Variants in FJX1 observed in about 807,000 individuals in gnomAD.
FJX1 encodes four-jointed box kinase 1.
FJX1 carries 21 observed loss-of-function variants against 28.7 expected under a neutral mutation model. The ratio of observed to expected loss-of-function variants is 0.73; its 90% CI spans 0.52 to 1.05. The LOEUF (loss-of-function observed/expected upper bound fraction) is 1.05, where lower values mean the gene tolerates loss of function less well. Among genes scored for constraint, FJX1 ranks in the 50% least tolerant of loss-of-function variants. FJX1 has a pLI of 0.00. For missense variants in FJX1, 683 were observed against 647.2 expected, an observed-to-expected ratio of 1.06 and a Z score of -0.60; for synonymous variants, 363 against 310.0, an observed-to-expected ratio of 1.17 and a Z score of -1.80.
rs750476220 is a variant in FJX1, at chr11:35,619,467, C to T, written c.831C>T (p.Asn277=). The change falls in exon 1 of 1, where the codon AAC becomes AAT. Residue 277 remains asparagine, a synonymous_variant. Coordinates refer to ENST00000317811, the MANE Select transcript of FJX1 (RefSeq NM_014344.4). This position sits in a 1 kb window ranked among gnomAD's most constrained non-coding sequence, Gnocchi z 7.6. The stretch of plus-strand genomic sequence containing the variant: ...GGGATGCCGGGGGTGAGCTGGCCAA[C>T]CTCAGCCAGGCGGAGCTGGTGGACC... The part of the protein sequence containing the change: ...PLRDAGGELA[N]LSQAELVDLV... The T allele has an allele frequency of 1.3e-6, 2 of 1,599,128 alleles. No individual in the cohort carries two copies. Among genetic ancestry groups the T allele is most frequent in the Non-Finnish European group, 1.7e-6 (2 of 1,179,704 alleles).
In FJX1 at chr11:35,619,231, C is replaced by A. The variant is rs761278273; in HGVS notation, c.595C>A (p.Arg199Ser). The A allele has an allele frequency of 2.5e-6, 4 of 1,583,616 alleles. No homozygotes were observed. The highest frequency in any genetic ancestry group is 2.6e-6 in the Non-Finnish European group (3 of 1,173,928). ...CGAGGCCCTGTCTTACTATCTGGCG[C>A]GCCTGCTGGGCCTCCAGCGCCACGT... ...QGEALSYYLA[R>S]LLGLQRHVPP... is the part of the protein sequence containing the mutation. Residue 199 changes from arginine (R) to serine (S), a missense_variant, in exon 1 of 1, where the codon CGC (arginine) becomes AGC (serine). Coordinates refer to ENST00000317811, the MANE Select transcript of FJX1 (RefSeq NM_014344.4). This position sits in a 1 kb window ranked among gnomAD's most constrained non-coding sequence, Gnocchi z 7.6.
Position 35,618,865 on chromosome 11 carries a change from C to A in FJX1, c.229C>A (p.Leu77Met). The change falls in exon 1 of 1, where the codon CTG (leucine) becomes ATG (methionine). Residue 77 changes from leucine (L) to methionine (M), a missense_variant. Physicochemically the swap from Leu to Met is conservative, Grantham distance 15 (BLOSUM62 2). Transcript: ENST00000317811. This position sits in a 1 kb window ranked among gnomAD's most constrained non-coding sequence, Gnocchi z 4.2. ...GGCGTGGGACGCCCGCGGCGGCTCC[C>A]TGAAAACTTTCCGGGCGCTGCTCAC... ...PLAWDARGGS[L>M]KTFRALLTLA... The A allele has an allele frequency of 7.3e-7, 1 of 1,363,382 alleles. No homozygotes were observed. The highest frequency in any genetic ancestry group is 9.4e-7 in the Non-Finnish European group (1 of 1,062,308). 84.5% of individuals were successfully genotyped at this position (1,363,382 alleles called of 1,614,324 possible).
chr11:35,620,215 G>C lies in FJX1; in HGVS notation c.*265G>C, dbSNP rs941324510. On this transcript the variant is annotated 3_prime_UTR_variant, in exon 1 of 1. Transcript: ENST00000317811. ...AAAGGATTCTTTACTGTGCCAGCAC[G>C]GGGATTGGATCCGAAGAAACTGGCT... 6.3e-4 allele frequency: 361 copies of C among 572,362 alleles called. No individual in the cohort carries two copies. The highest frequency in any genetic ancestry group is 7.0e-5 in the Non-Finnish European group (23 of 328,062). 35.5% of individuals were successfully genotyped at this position (572,362 alleles called of 1,614,324 possible).
chr11:35,620,063 T>C lies in FJX1; in HGVS notation c.*113T>C. 1.4e-6 allele frequency: 2 copies of C among 1,477,342 alleles called. No homozygotes were observed. The highest frequency in any genetic ancestry group is 2.5e-5 in the East Asian group (1 of 40,378). The allele number at this position is 1,477,342 out of a possible 1,614,324, so 91.5% of individuals were successfully genotyped here. On this transcript the variant is annotated 3_prime_UTR_variant, in exon 1 of 1. Transcript: ENST00000317811. ...GCCGGCCAACGCCCACCCGCAAAGG[T>C]GTCTAAAAACTTCAGCTTTTCACCC...
rs1850857497 is a variant in FJX1, at chr11:35,618,898, GCCGGCGCGGACGGCCCGCCCCGGCAGTC to G, written c.267_294del (p.Asp91SerfsTer141). ...TTTCCGGGCGCTGCTCACCCTGGCG[GCCGGCGCGGACGGCCCGCCCCGGCAGTC>G]CCGGAGCGAGCCCAGGTGGCACGTG... On this transcript the variant is annotated frameshift_variant, in exon 1 of 1. Coordinates refer to ENST00000317811, the MANE Select transcript of FJX1 (RefSeq NM_014344.4). LOFTEE classifies it high-confidence loss of function. This position sits in a 1 kb window ranked among gnomAD's most constrained non-coding sequence, Gnocchi z 4.2. 2 of 1,393,898 alleles carry G rather than the reference GCCGGCGCGGACGGCCCGCCCCGGCAGTC, an allele frequency of 1.4e-6. No homozygotes were observed. The highest frequency in any genetic ancestry group is 3.1e-5 in the Admixed American group (1 of 32,120). 86.3% of individuals were successfully genotyped at this position (1,393,898 alleles called of 1,614,324 possible).
chr11:35,619,230 G>A lies in FJX1; in HGVS notation c.594G>A (p.Ala198=). 1.9e-6 allele frequency: 3 copies of A among 1,583,542 alleles called. No homozygotes were observed. Among genetic ancestry groups the A allele is most frequent in the Non-Finnish European group, 2.6e-6 (3 of 1,173,876 alleles). Residue 198 remains alanine, a synonymous_variant, in exon 1 of 1, where the codon GCG becomes GCA. Coordinates refer to ENST00000317811, the MANE Select transcript of FJX1 (RefSeq NM_014344.4). This position sits in a 1 kb window ranked among gnomAD's most constrained non-coding sequence, Gnocchi z 7.6. ...IQGEALSYYL[A]RLLGLQRHVP... ...GCGAGGCCCTGTCTTACTATCTGGC[G>A]CGCCTGCTGGGCCTCCAGCGCCACG...
rs1371220118 is a variant in FJX1, at chr11:35,620,570, T to C, written c.*620T>C. The C allele has an allele frequency of 1.2e-5, 2 of 168,788 alleles. No homozygotes were observed. The highest frequency in any genetic ancestry group is 6.5e-5 in the Admixed American group (1 of 15,372). The allele number at this position is 168,788 out of a possible 1,614,324, so 10.5% of individuals were successfully genotyped here. On this transcript the variant is annotated 3_prime_UTR_variant, in exon 1 of 1. Coordinates refer to ENST00000317811, the MANE Select transcript of FJX1 (RefSeq NM_014344.4). Reference sequence around the variant, plus strand: ...CTTGACAATTTGCCTGACTCATTCCTGACCTCTTGTCATTTTGGCCTGAAG... The same window carrying C: ...CTTGACAATTTGCCTGACTCATTCCCGACCTCTTGTCATTTTGGCCTGAAG...
rs1288666102 is a variant in FJX1 at position 35,620,757 on chromosome 11, G to GA, written c.*813dup. The GA allele has an allele frequency of 6.0e-6, 1 of 166,754 alleles. No homozygotes were observed. Among genetic ancestry groups the GA allele is most frequent in the African/African-American group, 2.4e-5 (1 of 41,378 alleles). 10.3% of individuals were successfully genotyped at this position (166,754 alleles called of 1,614,324 possible). ...TGTTTTGATTTTCATTTTTTATTAA[G>GA]AAAAAATTTTATTTTACAGAATTTA... On this transcript the variant is annotated 3_prime_UTR_variant, in exon 1 of 1. Coordinates refer to ENST00000317811, the MANE Select transcript of FJX1 (RefSeq NM_014344.4).
Position 35,619,252 on chromosome 11 carries a change from C to T in FJX1, c.616C>T (p.His206Tyr). ...GGCGCGCCTGCTGGGCCTCCAGCGCCACGTGCCGCCGCTGGCACTGGCTCG... is the reference window on the plus strand; with the variant it reads ...GGCGCGCCTGCTGGGCCTCCAGCGCTACGTGCCGCCGCTGGCACTGGCTCG... Reference protein sequence around the residue: ...YLARLLGLQRHVPPLALARVE... With the variant: ...YLARLLGLQRYVPPLALARVE... Residue 206 changes from histidine to tyrosine, a missense_variant, in exon 1 of 1, where the codon CAC becomes TAC. Transcript: ENST00000317811. The surrounding 1 kb of genome is among the most constrained non-coding windows in gnomAD (Gnocchi z 7.6). The T allele has an allele frequency of 6.4e-7, 1 of 1,570,596 alleles. No homozygotes were observed. Among genetic ancestry groups the T allele is most frequent in the Non-Finnish European group, 8.6e-7 (1 of 1,167,982 alleles).
rs1214805547 is a variant in FJX1, at chr11:35,619,179, C to A, written c.543C>A (p.Tyr181Ter). Reference sequence around the variant, plus strand: ...ACGGCACCCGCGCCTGCGTGCGCTACGGCATCAACCCGGAGCAGATTCAGG... The same window carrying A: ...ACGGCACCCGCGCCTGCGTGCGCTAAGGCATCAACCCGGAGCAGATTCAGG... ...FADGTRACVR[Y>*]GINPEQIQGE... is the part of the protein sequence containing the mutation. Residue 181 changes from tyrosine (Y) to a stop codon, truncating the protein, a stop_gained, in exon 1 of 1, where the codon TAC (tyrosine) becomes TAA (stop). Transcript: ENST00000317811. LOFTEE classifies it high-confidence loss of function. This position sits in a 1 kb window ranked among gnomAD's most constrained non-coding sequence, Gnocchi z 7.6. 1.3e-6 allele frequency: 2 copies of A among 1,580,234 alleles called. No individual in the cohort carries two copies. Among genetic ancestry groups the A allele is most frequent in the East Asian group, 2.4e-5 (1 of 41,756 alleles).
Position 35,618,988 on chromosome 11 carries a change from G to A in FJX1, c.352G>A (p.Val118Met), listed in dbSNP as rs1330207527. 6.8e-7 allele frequency: 1 copy of A among 1,478,928 alleles called. No individual in the cohort carries two copies. The allele number at this position is 1,478,928 out of a possible 1,614,324, so 91.6% of individuals were successfully genotyped here. The change falls in exon 1 of 1, where the codon GTG becomes ATG. Residue 118 changes from valine (V) to methionine (M), a missense_variant. Physicochemically the swap from Val to Met is conservative, Grantham distance 21 (BLOSUM62 1). Coordinates refer to ENST00000317811, the MANE Select transcript of FJX1 (RefSeq NM_014344.4). This position sits in a 1 kb window ranked among gnomAD's most constrained non-coding sequence, Gnocchi z 4.2. ...GCCCCGGCCGGAGGAGAGCGCCGCGGTGCACGGGGGCGTCTTCTGGAGCCG... is the reference window on the plus strand; with the variant it reads ...GCCCCGGCCGGAGGAGAGCGCCGCGATGCACGGGGGCGTCTTCTGGAGCCG... ...RQPRPEESAA[V>M]HGGVFWSRGL...
In FJX1 at chr11:35,619,764, G is replaced by A. The variant is rs3740799; in HGVS notation, c.1128G>A (p.Leu376=). The part of the protein sequence containing the change: ...VFRERTARRV[L]ELHRGQDAAA... ...GCGAGCGGACCGCGCGGCGCGTCCT[G>A]GAGCTGCACCGCGGACAGGACGCCG... is the stretch of plus-strand genomic sequence containing the variant. The change falls in exon 1 of 1, where the codon CTG becomes CTA. Residue 376 remains leucine (L), a synonymous_variant. Coordinates refer to ENST00000317811, the MANE Select transcript of FJX1 (RefSeq NM_014344.4). The surrounding 1 kb of genome is among the most constrained non-coding windows in gnomAD (Gnocchi z 7.6). 0.18 allele frequency: 282,800 copies of A among 1,554,722 alleles called. 27,829 individuals carry two copies. The highest frequency in any genetic ancestry group is 0.2 in the Non-Finnish European group (229,486 of 1,150,376).
Position 35,618,820 on chromosome 11 carries a change from T to A in FJX1, c.184T>A (p.Phe62Ile). The change falls in exon 1 of 1, where the codon TTC (phenylalanine) becomes ATC (isoleucine). Residue 62 changes from phenylalanine (F) to isoleucine (I), a missense_variant. Transcript: ENST00000317811. This position sits in a 1 kb window ranked among gnomAD's most constrained non-coding sequence, Gnocchi z 4.2. ...CGGCGGCCCCGCGCCCGCGCCTCGC[T>A]TCCCTCTGCCCCCGCCCCTGGCGTG... ...RSGGPAPAPR[F>I]PLPPPLAWDA... 1.6e-6 allele frequency: 2 copies of A among 1,276,552 alleles called. No individual in the cohort carries two copies. Among genetic ancestry groups the A allele is most frequent in the Non-Finnish European group, 2.0e-6 (2 of 1,016,744 alleles). The allele number at this position is 1,276,552 out of a possible 1,614,324, so 79.1% of individuals were successfully genotyped here. A position where few individuals can be genotyped will look rare whatever the true frequency, so the allele number is the denominator to read the frequency against.
In FJX1 at chr11:35,619,165, G is replaced by T. The variant is rs1426316009; in HGVS notation, c.529G>T (p.Ala177Ser). 5 of 1,575,812 alleles carry T rather than the reference G, an allele frequency of 3.2e-6. No individual in the cohort carries two copies. The Admixed American group carries it at 7.0e-5, about 22-fold the overall frequency. Residue 177 changes from alanine to serine, a missense_variant, in exon 1 of 1, where the codon GCC becomes TCC. Transcript: ENST00000317811. The surrounding 1 kb of genome is among the most constrained non-coding windows in gnomAD (Gnocchi z 7.6). ...GGCCCGTTTTGCCGACGGCACCCGCGCCTGCGTGCGCTACGGCATCAACCC... is the reference window on the plus strand; with the variant it reads ...GGCCCGTTTTGCCGACGGCACCCGCTCCTGCGTGCGCTACGGCATCAACCC... ...RLARFADGTRACVRYGINPEQ... is the reference protein window; with the variant it reads ...RLARFADGTRSCVRYGINPEQ...
Position 35,618,608 on chromosome 11 carries a change from C to T in FJX1, c.-29C>T, listed in dbSNP as rs1288251976. ...GGTGCCTGGGCTCGGCTTGAAGCGG[C>T]GGCGGCGCACCGGCACAGCCGCGGG... On this transcript the variant is annotated 5_prime_UTR_variant, in exon 1 of 1. Coordinates refer to ENST00000317811, the MANE Select transcript of FJX1 (RefSeq NM_014344.4). The surrounding 1 kb of genome is among the most constrained non-coding windows in gnomAD (Gnocchi z 4.2). 9.1e-7 allele frequency: 1 copy of T among 1,096,810 alleles called. No homozygotes were observed. The highest frequency in any genetic ancestry group is 1.1e-6 in the Non-Finnish European group (1 of 904,450). The allele number at this position is 1,096,810 out of a possible 1,614,324, so 67.9% of individuals were successfully genotyped here.
chr11:35,619,749 C>G lies in FJX1; in HGVS notation c.1113C>G (p.Thr371=). ...LQSVCVFRER[T]ARRVLELHRG... ...CAGTGTGCGTGTTCCGCGAGCGGACCGCGCGGCGCGTCCTGGAGCTGCACC... is the reference window on the plus strand; with the variant it reads ...CAGTGTGCGTGTTCCGCGAGCGGACGGCGCGGCGCGTCCTGGAGCTGCACC... Residue 371 remains threonine, a synonymous_variant, in exon 1 of 1, where the codon ACC becomes ACG. Coordinates refer to ENST00000317811, the MANE Select transcript of FJX1 (RefSeq NM_014344.4). The surrounding 1 kb of genome is among the most constrained non-coding windows in gnomAD (Gnocchi z 7.6). 2 of 1,560,822 alleles carry G rather than the reference C, an allele frequency of 1.3e-6. No individual in the cohort carries two copies. The highest frequency in any genetic ancestry group is 1.7e-6 in the Non-Finnish European group (2 of 1,154,026).
rs1850882649 is a variant in FJX1 at position 35,620,122 on chromosome 11, C to T, written c.*172C>T. 10 of 1,023,538 alleles carry T rather than the reference C, an allele frequency of 9.8e-6. No individual in the cohort carries two copies. The highest frequency in any genetic ancestry group is 1.4e-5 in the Non-Finnish European group (10 of 704,982). 63.4% of individuals were successfully genotyped at this position (1,023,538 alleles called of 1,614,324 possible). A position where few individuals can be genotyped will look rare whatever the true frequency, so the allele number is the denominator to read the frequency against. On this transcript the variant is annotated 3_prime_UTR_variant, in exon 1 of 1. Transcript: ENST00000317811. The stretch of plus-strand genomic sequence containing the variant: ...CTTTCTTTCAATCCCACGCTGTTTC[C>T]TTTCAAAGTTCTGGGAGGACGAACT...
chr11:35,619,683 A>G lies in FJX1; in HGVS notation c.1047A>G (p.Val349=), dbSNP rs1177887338. Residue 349 remains valine, a synonymous_variant, in exon 1 of 1, where the codon GTA becomes GTG. Transcript: ENST00000317811. The surrounding 1 kb of genome is among the most constrained non-coding windows in gnomAD (Gnocchi z 7.6). ...CGGGCTTGGTGCACGGCTACCGGGT[A>G]GCAGGCATGTGGGACAAGTATAACG... is the stretch of plus-strand genomic sequence containing the variant. ...NEAGLVHGYR[V]AGMWDKYNEP... 1 of 1,607,798 alleles carries G rather than the reference A, an allele frequency of 6.2e-7. No individual in the cohort carries two copies. The highest frequency in any genetic ancestry group is 1.1e-5 in the South Asian group (1 of 90,724).
At position 35,619,373 on chromosome 11, in the gene FJX1, T is replaced by G; in HGVS notation, c.737T>G (p.Leu246Arg). The change falls in exon 1 of 1, where the codon CTG becomes CGG. Residue 246 changes from leucine (L) to arginine (R), a missense_variant. Coordinates refer to ENST00000317811, the MANE Select transcript of FJX1 (RefSeq NM_014344.4). The surrounding 1 kb of genome is among the most constrained non-coding windows in gnomAD (Gnocchi z 7.6). The stretch of plus-strand genomic sequence containing the variant: ...AGCGTGGTGAGCCTGACACGCTGGC[T>G]GCCCAACCTCACGGACGTGGTGGTG... ...EGSVVSLTRWLPNLTDVVVPA... is the reference protein window; with the variant it reads ...EGSVVSLTRWRPNLTDVVVPA... The G allele has an allele frequency of 6.3e-7, 1 of 1,591,306 alleles. No individual in the cohort carries two copies. The highest frequency in any genetic ancestry group is 2.2e-5 in the East Asian group (1 of 44,450).
Sources: allele counts gnomAD v4.1 joint callset, GRCh38; gene constraint gnomAD v4.1.1; non-coding constraint Gnocchi (gnomAD v3.1); transcripts MANE v1.5; gene names NCBI Gene and HGNC (gene_info 2026-07-23, HGNC 2026-07-21).